The following BRF1 variants were observed in gnomAD, a reference collection of about 807,000 sequenced individuals.
BRF1 encodes BRF1 general transcription factor IIIB subunit, also known as transcription factor IIIB 90 kDa subunit.
Under a neutral mutation model 81.7 loss-of-function variants are expected in BRF1, and 59 were observed. That is an observed-to-expected ratio of 0.72 (90% CI 0.59 to 0.90). The LOEUF (loss-of-function observed/expected upper bound fraction) is 0.90. Ranked by LOEUF, BRF1 falls within the 40% of genes least tolerant of loss-of-function variation. The pLI is 0.00. For missense variants in BRF1, 1,050 were observed against 936.3 expected (o/e 1.12, Z -1.58); for synonymous variants, 491 against 395.6 (o/e 1.24, Z -2.86).
At chr14:105,294,265 C>T (rs1437213891) in intron 1 of BRF1, among the ~76,000 whole-genome samples, 1 of 152,230 alleles carries the variant, frequency 6.6e-6, no homozygotes, top group African/African-American at 2.4e-5. Flanking sequence ...TGGGCCTGCG[C>T]CTCCCTCCAG....
At chr14:105,250,081 C>G in intron 5 of BRF1, 2 of 1,612,994 alleles carry the variant, frequency 1.2e-6, no homozygotes, top group Non-Finnish European at 1.7e-6. Context: ...CAACCATGAC[C>G]CTAGAGGAGT....
intron 5 of BRF1, chr14:105,250,481 C>T: frequency 1.2e-6 from 2 of 1,613,992 alleles, no homozygotes; most frequent in South Asian, 2.2e-5. Context: ...ACACCCGGTC[C>T]AGGTTGAACA....
intron 1 of BRF1, 44 bp downstream of exon 1, chr14:105,300,402 A>G (rs1388902443): frequency 6.7e-7 from 1 of 1,482,414 alleles, no homozygotes; most frequent in Non-Finnish European, 8.9e-7. Flanking sequence ...AGCCCGCCTA[A>G]GCCGCACCGA....
chr14:105,211,126 G>A lies in BRF1; in HGVS notation c.1992C>T (p.Ser664=). Residue 664 remains serine (S), a synonymous_variant, in exon 17 of 18, where the codon AGC becomes AGT. Transcript: ENST00000547530. ...CTGTTGTCGGGCCCCACCCACCGTTGCTGCCCATCATCTGCAGGGCACTGA... is the reference window on the plus strand; with the variant it reads ...CTGTTGTCGGGCCCCACCCACCGTTACTGCCCATCATCTGCAGGGCACTGA... ...PCVSALQMMG[S]NDYGCDGDED... 6.2e-7 allele frequency: 1 copy of A among 1,612,228 alleles called. No individual in the cohort carries two copies.
upstream of BRF1, among the ~76,000 whole-genome samples, chr14:105,303,120 G>A (rs902355135): frequency 2.6e-5 from 4 of 152,240 alleles, no homozygotes; most frequent in Admixed American, 1.3e-4. Flanking sequence ...GTAGAGATGG[G>A]GTTTCACCAT....
upstream of BRF1, among the ~76,000 whole-genome samples, chr14:105,304,211 G>A (rs1469344678): frequency 6.6e-6 from 1 of 152,232 alleles, no homozygotes; most frequent in Non-Finnish European, 1.5e-5. Context: ...TGTGGTTTCA[G>A]CCAGGCTCGG....
intron 4 of BRF1, among the ~76,000 whole-genome samples, chr14:105,254,157 A>G (rs2055753707): frequency 6.6e-6 from 1 of 152,238 alleles, no homozygotes; most frequent in African/African-American, 2.4e-5. Context: ...ACAGGGATCA[A>G]TGAGACCTGA....
chr14:105,227,111 G>C (rs1202172543), intron 7 of BRF1: 1 of 250,042 alleles, frequency 4.0e-6, no homozygotes, highest in Non-Finnish European at 7.7e-6. Context: ...GTGAGATTTT[G>C]TCTCAAAAAA....
intron 15 of BRF1, among the ~76,000 whole-genome samples, chr14:105,213,591 T>C (rs3784227): frequency 0.41 from 61,984 of 151,680 alleles, 16,799 homozygotes; most frequent in African/African-American, 0.78. Flanking sequence ...GGGAGAGCGG[T>C]GCTGTTAGGA....
In BRF1 at chr14:105,277,926, T is replaced by C. The variant is rs981999790; in HGVS notation, c.266-5032A>G. On this transcript the variant is annotated intron_variant, in intron 2 of 17. Coordinates refer to ENST00000547530, the MANE Select transcript of BRF1 (RefSeq NM_001519.4). The stretch of plus-strand genomic sequence containing the variant: ...CATGCCACTGCACCCAGCTAATTTT[T>C]TGTATTTTTAGTACAGACAGGGTTT... 2.2e-4 allele frequency among the ~76,000 whole-genome samples: 34 copies of C among 152,246 alleles called. 1 individual carries two copies. The highest frequency in any genetic ancestry group is 1.9e-3 in the East Asian group (10 of 5,180).
intron 15 of BRF1, among the ~76,000 whole-genome samples, chr14:105,215,694 T>C (rs1287651392): frequency 1.3e-5 from 1 of 76,654 alleles, no homozygotes; most frequent in African/African-American, 4.9e-5. Context: ...TGCACACAAA[T>C]ACTGCATGCA....
chr14:105,273,140 G>A (rs2816631), intron 2 of BRF1, among the ~76,000 whole-genome samples: 32,973 of 152,152 alleles, frequency 0.22, 4,049 homozygotes, highest in Middle Eastern at 0.27. Context: ...TCTGAGTGGC[G>A]TGTGCGGTGT....
chr14:105,227,265 C>T (rs1248513152), intron 7 of BRF1: 2 of 154,776 alleles, frequency 1.3e-5, no homozygotes, highest in Non-Finnish European at 2.8e-5. Flanking sequence ...TTAAAAATAA[C>T]AAAAATTAGC....
At chr14:105,256,228 G>A (rs1405521867) in intron 4 of BRF1, 1 of 1,539,058 alleles carries the variant, frequency 6.5e-7, no homozygotes, top group Admixed American at 2.0e-5. Context: ...TCTCCTTTGT[G>A]TAGGACAAAA....
intron 3 of BRF1, among the ~76,000 whole-genome samples, chr14:105,267,761 C>A (rs1173463792): frequency 6.6e-6 from 1 of 152,226 alleles, no homozygotes; most frequent in Admixed American, 6.5e-5. Context: ...AACAAGGGGG[C>A]CTGGTGGCAG....
chr14:105,253,543 G>A (rs995829284), intron 4 of BRF1, among the ~76,000 whole-genome samples: 4 of 152,264 alleles, frequency 2.6e-5, no homozygotes, highest in African/African-American at 9.6e-5. Context: ...ACTTCCAGGT[G>A]CTTGCTGACT....
chr14:105,304,420 G>A (rs1486683635), upstream of BRF1, among the ~76,000 whole-genome samples: 3 of 152,132 alleles, frequency 2.0e-5, no homozygotes, highest in Non-Finnish European at 4.4e-5. Flanking sequence ...CCTGGGAGGC[G>A]GGAGTTGTGG....
At chr14:105,248,833 C>T (rs186857534) in intron 5 of BRF1, 2 of 989,038 alleles carry the variant, frequency 2.0e-6, no homozygotes, top group South Asian at 4.6e-5. Context: ...GCGGCGTCCA[C>T]AGGCGCCGAG....
chr14:105,307,034 T>C (rs587617470), intron 1 of BRF1, among the ~76,000 whole-genome samples: 2 of 152,142 alleles, frequency 1.3e-5, no homozygotes, highest in Admixed American at 1.3e-4. Flanking sequence ...CCTTATTTAC[T>C]TTATTTTTTC....
Sources: allele counts gnomAD v4.1 joint callset (sites outside exome capture counted in the v4.1 genomes callset), GRCh38; gene constraint gnomAD v4.1.1; transcripts MANE v1.5; gene names NCBI Gene and HGNC (gene_info 2026-07-23, HGNC 2026-07-21).